Variants in CPPED1 observed in about 807,000 individuals in gnomAD.
CPPED1 encodes the protein serine/threonine-protein phosphatase CPPED1.
In CPPED1, 28 loss-of-function variants were observed where a neutral mutation model predicts 28.0. The observed-to-expected ratio is 1.00, with a 90% confidence interval of 0.74 to 1.37. The LOEUF is 1.37. CPPED1 is among the 40% of genes most tolerant of loss of function. CPPED1 has a pLI of 0.00. For synonymous variants in CPPED1, 198 were observed against 180.2 expected (o/e 1.10, Z -0.79); for missense variants, 504 against 416.5 (o/e 1.21, Z -1.83).
chr16:12,792,000 G>A (rs1176409730), intron 1 of CPPED1, among the ~76,000 whole-genome samples: 2 of 151,624 alleles, frequency 1.3e-5, no homozygotes, highest in East Asian at 3.9e-4. Context: ...CCCCCAGGCT[G>A]AAATGCAGTG....
intron 2 of CPPED1, among the ~76,000 whole-genome samples, chr16:12,719,753 G>A (rs1207492555): frequency 6.6e-6 from 1 of 152,052 alleles, no homozygotes; most frequent in Non-Finnish European, 1.5e-5. Context: ...TGGCCAACAC[G>A]GCAAAAGCCT....
chr16:12,727,745 T>C (rs907684517), intron 2 of CPPED1, among the ~76,000 whole-genome samples: 1 of 152,198 alleles, frequency 6.6e-6, no homozygotes, highest in Admixed American at 6.6e-5. Context: ...ATCATAACCC[T>C]GCACTAAAGA....
At chr16:12,742,253 C>A (rs1205568226) in intron 2 of CPPED1, among the ~76,000 whole-genome samples, 1 of 152,048 alleles carries the variant, frequency 6.6e-6, no homozygotes, top group Non-Finnish European at 1.5e-5. Context: ...CCTAAAGAAA[C>A]ACTCTACAAG....
At chr16:12,681,689 G>A (rs539211922) in intron 3 of CPPED1, among the ~76,000 whole-genome samples, 3 of 152,258 alleles carry the variant, frequency 2.0e-5, no homozygotes, top group South Asian at 4.2e-4. Context: ...AAGTAGTTCT[G>A]CAGCAAAAGG....
At chr16:12,751,010 A>C (rs1440458099) in intron 2 of CPPED1, among the ~76,000 whole-genome samples, 1 of 152,044 alleles carries the variant, frequency 6.6e-6, no homozygotes, top group Non-Finnish European at 1.5e-5. Context: ...AACAAAAAAA[A>C]CAGAAAAAAT....
At chr16:12,702,221 C>T (rs1484503758) in intron 3 of CPPED1, among the ~76,000 whole-genome samples, 1 of 151,954 alleles carries the variant, frequency 6.6e-6, no homozygotes, top group Admixed American at 6.6e-5. Context: ...CCCTGTAGGG[C>T]CCTTGGTGGG....
chr16:12,697,690 T>C (rs1231343573), intron 3 of CPPED1, among the ~76,000 whole-genome samples: 5 of 152,190 alleles, frequency 3.3e-5, no homozygotes, highest in East Asian at 1.9e-4. Flanking sequence ...GGCTGCTCTC[T>C]TGTTATGAAG....
chr16:12,773,954 T>C (rs565836021), intron 2 of CPPED1, among the ~76,000 whole-genome samples: 2 of 152,142 alleles, frequency 1.3e-5, no homozygotes, highest in South Asian at 4.1e-4. Flanking sequence ...CCAGGGAAAC[T>C]AAGCAGCACA....
chr16:12,754,517 G>A (rs1031147422), intron 2 of CPPED1, among the ~76,000 whole-genome samples: 1 of 152,194 alleles, frequency 6.6e-6, no homozygotes, highest in Non-Finnish European at 1.5e-5. Flanking sequence ...AGGGGCATGT[G>A]CACATTATAA....
At chr16:12,680,661 T>G (rs2079899970) in intron 3 of CPPED1, among the ~76,000 whole-genome samples, 1 of 152,168 alleles carries the variant, frequency 6.6e-6, no homozygotes, top group Non-Finnish European at 1.5e-5. Flanking sequence ...TACTCCTGCT[T>G]GCTGTATCAT....
At chr16:12,749,980 CT>C (rs1319797257) in intron 2 of CPPED1, among the ~76,000 whole-genome samples, 5 of 152,190 alleles carry the variant, frequency 3.3e-5, no homozygotes, top group Non-Finnish European at 7.3e-5. Flanking sequence ...CAAGGAGTCA[CT>C]ATCTATGGCA....
chr16:12,717,468 G>A (rs1162026870), intron 2 of CPPED1, among the ~76,000 whole-genome samples: 5 of 152,188 alleles, frequency 3.3e-5, no homozygotes, highest in Non-Finnish European at 7.3e-5. Flanking sequence ...GTTTCACCGT[G>A]TTAGCCAGGA....
At chr16:12,735,724 A>G (rs2080223510) in intron 2 of CPPED1, among the ~76,000 whole-genome samples, 1 of 152,256 alleles carries the variant, frequency 6.6e-6, no homozygotes, top group African/African-American at 2.4e-5. Context: ...TGCCTGGAAC[A>G]CAGCAAGCCC....
At chr16:12,706,012 C>T (rs138284552) in intron 2 of CPPED1, among the ~76,000 whole-genome samples, 1 of 152,246 alleles carries the variant, frequency 6.6e-6, no homozygotes, top group East Asian at 1.9e-4. Context: ...AGGTTCACGT[C>T]ATTTACTTTT....
At chr16:12,781,072 C>G (rs1208945630) in intron 2 of CPPED1, 113 bp downstream of exon 2, 1 of 796,948 alleles carries the variant, frequency 1.3e-6, no homozygotes, top group Non-Finnish European at 2.0e-6. Flanking sequence ...AGCGAAAGAA[C>G]GGTCCATGAC....
chr16:12,803,254 G>A (rs2080671538), intron 1 of CPPED1, among the ~76,000 whole-genome samples: 1 of 152,154 alleles, frequency 6.6e-6, no homozygotes, highest in Non-Finnish European at 1.5e-5. Flanking sequence ...TCATTATGGA[G>A]TACAGAATAC....
intron 1 of CPPED1, among the ~76,000 whole-genome samples, chr16:12,790,536 T>G (rs769150871): frequency 9.2e-5 from 14 of 152,226 alleles, no homozygotes; most frequent in Non-Finnish European, 1.6e-4. Flanking sequence ...TCTGCTCTCA[T>G]GATGTGCTAA....
At chr16:12,740,534 G>T (rs949147027) in intron 2 of CPPED1, among the ~76,000 whole-genome samples, 1 of 151,958 alleles carries the variant, frequency 6.6e-6, no homozygotes, top group African/African-American at 2.4e-5. Context: ...TCTGGTCCTT[G>T]CACTCATGGA....
rs368809542 is a variant in CPPED1 at position 12,662,738 on chromosome 16, T to A, written c.*2148A>T. 11 of 152,372 alleles carry A rather than the reference T, an allele frequency of 7.2e-5. 1 individual carries two copies. Among genetic ancestry groups the A allele is most frequent in the African/African-American group, 2.6e-4 (11 of 41,594 alleles). 9.4% of individuals were successfully genotyped at this position (152,372 alleles called of 1,614,324 possible). ...ATTCTTTTTAGTGGCTGAATAGTAT[T>A]CCATTATGTATACATACCACATGTT... On this transcript the variant is annotated 3_prime_UTR_variant, in exon 4 of 4. Transcript: ENST00000381774.
Sources: allele counts gnomAD v4.1 joint callset (sites outside exome capture counted in the v4.1 genomes callset), GRCh38; gene constraint gnomAD v4.1.1; transcripts MANE v1.5; gene names NCBI Gene and HGNC (gene_info 2026-07-23, HGNC 2026-07-21).